ATP6V1E2: variants seen among roughly 807,000 people sequenced by gnomAD.
ATP6V1E2 encodes the protein V-type proton ATPase subunit E 2.
For synonymous variants in ATP6V1E2, 121 were observed against 104.2 expected (o/e 1.16, Z -0.98); for missense variants, 308 against 273.3 (o/e 1.13, Z -0.90).
intron 4 of ATP6V1E2, chr2:46,527,911 C>T (rs1217339706): frequency 1.3e-5 from 2 of 152,144 alleles, no homozygotes; most frequent in Non-Finnish European, 2.9e-5. Flanking sequence ...TATAGAGGTT[C>T]TTTATCCCTC....
intron 4 of ATP6V1E2, among the ~76,000 whole-genome samples, chr2:46,525,845 A>G (rs879386979): frequency 1.3e-5 from 2 of 152,080 alleles, no homozygotes; most frequent in Non-Finnish European, 2.9e-5. Context: ...GGTTCTCCCC[A>G]AGAGTCATTT....
chr2:46,533,869 T>C (rs1667311358), intron 4 of ATP6V1E2, among the ~76,000 whole-genome samples: 1 of 152,234 alleles, frequency 6.6e-6, no homozygotes, highest in Non-Finnish European at 1.5e-5. Flanking sequence ...CTTTTTCTTT[T>C]ATCACTTTAA....
rs564348779 is a variant in ATP6V1E2 at position 46,524,362 on chromosome 2, A to G, written c.-102+11451T>C. Among the ~76,000 whole-genome samples the G allele has an allele frequency of 6.6e-5, 10 of 152,350 alleles. No homozygotes were observed. The South Asian group carries it at 1.2e-3, about 19-fold the overall frequency. The stretch of plus-strand genomic sequence containing the variant: ...GGCAATTTCGGAAAACTCAGACAAG[A>G]AAATGAGGTTTCAGGGCACATCAAC... On this transcript the variant is annotated intron_variant, in intron 4 of 4. Coordinates refer to ENST00000522587, the MANE Select transcript of ATP6V1E2 (RefSeq NM_001318063.2).
At chr2:46,533,298 T>C (rs894490962) in intron 4 of ATP6V1E2, among the ~76,000 whole-genome samples, 1 of 151,904 alleles carries the variant, frequency 6.6e-6, no homozygotes, top group Non-Finnish European at 1.5e-5. Flanking sequence ...TTTTGAGACA[T>C]GGTCTGGCTC....
At chr2:46,533,943 T>C (rs1206533625) in intron 4 of ATP6V1E2, among the ~76,000 whole-genome samples, 1 of 152,210 alleles carries the variant, frequency 6.6e-6, no homozygotes, top group Non-Finnish European at 1.5e-5. Flanking sequence ...ATTATATCTG[T>C]CTTTGTTCCC....
chr2:46,533,844 G>C (rs1355203708), intron 4 of ATP6V1E2, among the ~76,000 whole-genome samples: 2 of 152,152 alleles, frequency 1.3e-5, no homozygotes, highest in Non-Finnish European at 2.9e-5. Context: ...TAGAATTCTA[G>C]ATTGACAGTG....
intron 4 of ATP6V1E2, among the ~76,000 whole-genome samples, chr2:46,521,488 C>G (rs1005998413): frequency 1.3e-5 from 2 of 152,126 alleles, no homozygotes; most frequent in Non-Finnish European, 2.9e-5. Context: ...AAAAGGGAAG[C>G]AGGACCAAAC....
chr2:46,512,733 C>A lies in ATP6V1E2; in HGVS notation c.-22G>T. On this transcript the variant is annotated 5_prime_UTR_variant, in exon 5 of 5. Transcript: ENST00000522587. Reference sequence around the variant, plus strand: ...CCATGGCTGCTCTCAGAGGGGACGGCAGAGAGGGAGCTCGTACACCGTTTG... The same window carrying A: ...CCATGGCTGCTCTCAGAGGGGACGGAAGAGAGGGAGCTCGTACACCGTTTG... 3 of 1,589,998 alleles carry A rather than the reference C, an allele frequency of 1.9e-6. No homozygotes were observed. Among genetic ancestry groups the A allele is most frequent in the Non-Finnish European group, 2.6e-6 (3 of 1,170,030 alleles).
intron 1 of ATP6V1E2, chr2:46,541,996 T>C (rs3754553): frequency 0.54 from 81,562 of 152,046 alleles, 22,300 homozygotes; most frequent in East Asian, 0.82. Context: ...CGGGGTATCC[T>C]TTTTCTGGCT....
chr2:46,516,135 G>A (rs1328628822), intron 4 of ATP6V1E2, among the ~76,000 whole-genome samples: 1 of 152,178 alleles, frequency 6.6e-6, no homozygotes, highest in African/African-American at 2.4e-5. Context: ...CAGAAAATCA[G>A]TAAAAAAGCA....
At chr2:46,529,830 G>C (rs1001842376) in intron 4 of ATP6V1E2, among the ~76,000 whole-genome samples, 3 of 152,026 alleles carry the variant, frequency 2.0e-5, no homozygotes, top group South Asian at 2.1e-4. Context: ...TGGGTGGTGA[G>C]GAAGTAGTTT....
chr2:46,519,255 A>G (rs1046501893), intron 4 of ATP6V1E2: 10 of 152,242 alleles, frequency 6.6e-5, no homozygotes, highest in Admixed American at 6.5e-5. Context: ...GCTCACCTTA[A>G]CAGGTATGCA....
chr2:46,519,825 TC>T (rs1237718264), intron 4 of ATP6V1E2: 1 of 152,240 alleles, frequency 6.6e-6, no homozygotes, highest in Non-Finnish European at 1.5e-5. Context: ...TCACTCTTCA[TC>T]ATAGTTGTTC....
At chr2:46,539,995 C>A (rs1483261261) in intron 2 of ATP6V1E2, among the ~76,000 whole-genome samples, 1 of 152,214 alleles carries the variant, frequency 6.6e-6, no homozygotes, top group Non-Finnish European at 1.5e-5. Flanking sequence ...CTTTCCAGCT[C>A]TTTGTCCCCA....
At chr2:46,529,777 A>ATGATG (rs1558665891) in intron 4 of ATP6V1E2, among the ~76,000 whole-genome samples, 2 of 150,756 alleles carry the variant, frequency 1.3e-5, no homozygotes, top group Non-Finnish European at 2.9e-5. Context: ...TGATGATGAT[A>ATGATG]ATAATAATAA....
At chr2:46,525,571 A>G (rs932226840) in intron 4 of ATP6V1E2, among the ~76,000 whole-genome samples, 1 of 152,014 alleles carries the variant, frequency 6.6e-6, no homozygotes, top group African/African-American at 2.4e-5. Flanking sequence ...TTGGTCTAGA[A>G]GTAACAGGAG....
At chr2:46,526,129 T>C (rs1305307816) in intron 4 of ATP6V1E2, among the ~76,000 whole-genome samples, 2 of 152,196 alleles carry the variant, frequency 1.3e-5, no homozygotes, top group African/African-American at 4.8e-5. Flanking sequence ...ATTATTATTA[T>C]TTTGAGACGG....
chr2:46,516,792 A>G (rs958557543), intron 4 of ATP6V1E2, among the ~76,000 whole-genome samples: 1 of 152,176 alleles, frequency 6.6e-6, no homozygotes, highest in Non-Finnish European at 1.5e-5. Flanking sequence ...GAACTAGAAT[A>G]CTTGTTTACT....
chr2:46,533,900 C>A (rs1052824754), intron 4 of ATP6V1E2, among the ~76,000 whole-genome samples: 2 of 152,088 alleles, frequency 1.3e-5, no homozygotes, highest in African/African-American at 4.8e-5. Context: ...TCATTAAGTT[C>A]TAGTTTGCAT....
Sources: allele counts gnomAD v4.1 joint callset (sites outside exome capture counted in the v4.1 genomes callset), GRCh38; gene constraint gnomAD v4.1.1; transcripts MANE v1.5; gene names NCBI Gene and HGNC (gene_info 2026-07-23, HGNC 2026-07-21).